The following SV2C variants were observed in gnomAD, a reference collection of about 807,000 sequenced individuals.
SV2C encodes the protein synaptic vesicle glycoprotein 2C.
A neutral mutation model predicts 79.7 loss-of-function variants in SV2C; 49 were observed. The ratio of observed to expected loss-of-function variants is 0.61; its 90% CI spans 0.49 to 0.78. The LOEUF (loss-of-function observed/expected upper bound fraction) is 0.78. SV2C is among the 30% of genes least tolerant of loss of function. The pLI is 0.00. For synonymous variants in SV2C, 334 were observed against 333.2 expected (o/e 1.00, Z -0.03); for missense variants, 833 against 912.9 (o/e 0.91, Z 1.13).
intron 2 of SV2C, among the ~76,000 whole-genome samples, chr5:76,136,117 C>CA (rs1749060584): frequency 1.3e-5 from 2 of 152,200 alleles, no homozygotes; most frequent in African/African-American, 4.8e-5. Context: ...TTGACTAATA[C>CA]AAAATAGATG....
chr5:76,240,533 T>G (rs55932034), intron 4 of SV2C, among the ~76,000 whole-genome samples: 10,844 of 152,288 alleles, frequency 0.071, 1,247 homozygotes, highest in African/African-American at 0.24. Context: ...TGGATAATTG[T>G]CCTCTGGAGG....
At chr5:76,248,436 T>C (rs536753943) in intron 4 of SV2C, among the ~76,000 whole-genome samples, 2 of 152,328 alleles carry the variant, frequency 1.3e-5, no homozygotes, top group South Asian at 2.1e-4. Flanking sequence ...ACCAGTCGTA[T>C]TGAATTCAGG....
chr5:75,906,180 CA>C, the SV2C span, among the ~76,000 whole-genome samples: 2 of 152,058 alleles, frequency 1.3e-5, no homozygotes, highest in Admixed American at 1.3e-4. Flanking sequence ...AGGCTTCTCT[CA>C]GAGTCTCCAG....
chr5:76,162,078 GA>G (rs146644967), intron 2 of SV2C, among the ~76,000 whole-genome samples: 222 of 145,742 alleles, frequency 1.5e-3, no homozygotes, highest in Middle Eastern at 7.0e-3. Context: ...TGGCTTAGAA[GA>G]AAAAAAAAAG....
intron 1 of SV2C, among the ~76,000 whole-genome samples, chr5:76,100,213 T>A (rs560154099): frequency 1.3e-5 from 2 of 152,344 alleles, no homozygotes; most frequent in South Asian, 4.1e-4. Flanking sequence ...CTTATTTGCT[T>A]ATTAGCTCAT....
At chr5:76,017,226 C>T in the SV2C span, among the ~76,000 whole-genome samples, 1 of 152,110 alleles carries the variant, frequency 6.6e-6, no homozygotes, top group Non-Finnish European at 1.5e-5. Flanking sequence ...AACTGCCATT[C>T]CACAGTGTCT....
chr5:76,126,933 A>G, intron 1 of SV2C, among the ~76,000 whole-genome samples: 1 of 152,128 alleles, frequency 6.6e-6, no homozygotes, highest in East Asian at 1.9e-4. Flanking sequence ...ACCCCATACA[A>G]TGTTTGTGAG....
upstream of SV2C, chr5:76,079,054 G>A (rs1746935618): frequency 2.5e-6 from 1 of 400,940 alleles, no homozygotes; most frequent in Non-Finnish European, 5.0e-6. Flanking sequence ...CACCACCGAT[G>A]GGCGCCTGGT....
chr5:76,192,160 T>C (rs564261121), intron 2 of SV2C, among the ~76,000 whole-genome samples: 13 of 152,278 alleles, frequency 8.5e-5, no homozygotes, highest in African/African-American at 3.1e-4. Context: ...ATGTTGTCTG[T>C]GTTATTGGAA....
intron 2 of SV2C, among the ~76,000 whole-genome samples, chr5:76,149,546 G>A (rs903139700): frequency 6.6e-6 from 1 of 152,156 alleles, no homozygotes; most frequent in African/African-American, 2.4e-5. Flanking sequence ...GATTATAAAT[G>A]ATACTATGTT....
chr5:76,132,224 G>T lies in SV2C; in HGVS notation c.474G>T (p.Leu158=). The T allele has an allele frequency of 6.2e-7, 1 of 1,614,096 alleles. No homozygotes were observed. Among genetic ancestry groups the T allele is most frequent in the Non-Finnish European group, 8.5e-7 (1 of 1,180,006 alleles). ...TTCAGTGGGCCCTTTTCTTCGTCCT[G>T]GGCATGGCTCTTATGGCAGACGGTG... is the stretch of plus-strand genomic sequence containing the variant. ...GRFQWALFFV[L]GMALMADGVE... is the part of the protein sequence containing the mutation. Residue 158 remains leucine, a synonymous_variant, in exon 2 of 13, where the codon CTG becomes CTT. Coordinates refer to ENST00000502798, the MANE Select transcript of SV2C (RefSeq NM_014979.4).
intron 6 of SV2C, among the ~76,000 whole-genome samples, chr5:76,288,633 C>A (rs1245159444): frequency 6.6e-6 from 1 of 152,170 alleles, no homozygotes; most frequent in African/African-American, 2.4e-5. Context: ...CCCTACTTAC[C>A]TGCCTTTTCT....
chr5:76,233,952 T>C (rs1341686429), intron 4 of SV2C, among the ~76,000 whole-genome samples: 2 of 152,154 alleles, frequency 1.3e-5, no homozygotes, highest in Admixed American at 6.6e-5. Context: ...CTTCTAGTCT[T>C]GGGAAGTTTT....
At chr5:76,154,237 T>C (rs1742655311) in intron 2 of SV2C, among the ~76,000 whole-genome samples, 1 of 152,228 alleles carries the variant, frequency 6.6e-6, no homozygotes, top group Non-Finnish European at 1.5e-5. Flanking sequence ...CAGCTGTCAG[T>C]GCTAATGGTG....
At chr5:76,182,880 C>A (rs535876776) in intron 2 of SV2C, among the ~76,000 whole-genome samples, 2 of 151,714 alleles carry the variant, frequency 1.3e-5, no homozygotes, top group Admixed American at 1.3e-4. Flanking sequence ...GAAGTGGGAG[C>A]AGGCACGCCA....
intron 12 of SV2C, among the ~76,000 whole-genome samples, chr5:76,308,649 G>A (rs1330945856): frequency 2.0e-5 from 3 of 151,212 alleles, no homozygotes; most frequent in Non-Finnish European, 2.9e-5. Flanking sequence ...GGCATTTCTG[G>A]GTTGGCAACT....
chr5:76,338,244 C>G (rs936017693), downstream of SV2C, among the ~76,000 whole-genome samples: 1 of 152,264 alleles, frequency 6.6e-6, no homozygotes, highest in Non-Finnish European at 1.5e-5. Flanking sequence ...AACCTTGACT[C>G]CAAGTGCACC....
intron 2 of SV2C, among the ~76,000 whole-genome samples, chr5:76,150,196 A>T (rs944404201): frequency 8.8e-6 from 1 of 114,190 alleles, no homozygotes; most frequent in Non-Finnish European, 2.2e-5. Flanking sequence ...TTGATTTAAT[A>T]TCTTTTTTTT....
chr5:76,137,571 C>T (rs951405908), intron 2 of SV2C, among the ~76,000 whole-genome samples: 9 of 152,034 alleles, frequency 5.9e-5, no homozygotes, highest in African/African-American at 1.7e-4. Flanking sequence ...AAACAGGAGG[C>T]GGACAATGAC....
Sources: gnomAD v4.1 joint callset for allele counts (sites outside exome capture counted in the v4.1 genomes callset) on GRCh38, gnomAD v4.1.1 for gene constraint, MANE v1.5 for transcripts, NCBI Gene and HGNC (gene_info 2026-07-23, HGNC 2026-07-21) for gene names.